ANOS1: variants seen among roughly 807,000 people sequenced by gnomAD.
ANOS1 encodes anosmin-1.
A neutral mutation model predicts 59.0 loss-of-function variants in ANOS1; 6 were observed. The ratio of observed to expected loss-of-function variants is 0.10; its 90% confidence interval spans 0.06 to 0.20. The LOEUF is 0.20. Ranked by LOEUF, ANOS1 falls within the 10% of genes least tolerant of loss-of-function variation. The pLI, the probability that ANOS1 is intolerant of heterozygous loss-of-function variation, is 1.00. For synonymous variants in ANOS1, 217 were observed against 223.4 expected (o/e 0.97, Z 0.25); for missense variants, 433 against 542.3 (o/e 0.80, Z 2.00).
chrX:8,621,811 A>T (rs1931298677), intron 3 of ANOS1, among the ~76,000 whole-genome samples: 4 of 111,948 alleles, frequency 3.6e-5, no homozygotes, highest in South Asian at 3.7e-4. Context: ...TTCATCCAGG[A>T]GAAAATAAGC....
chrX:8,707,585 TTTC>T (rs1932786816), intron 1 of ANOS1, among the ~76,000 whole-genome samples: 2 of 111,881 alleles, frequency 1.8e-5, no homozygotes, highest in East Asian at 2.8e-4. Context: ...ATGCCAGACT[TTTC>T]TTCTTCTCAT....
rs555391450 is a variant in ANOS1, at chrX:8,704,179, C to G, written c.208-4434G>C. 2.6e-4 allele frequency among the ~76,000 whole-genome samples: 29 copies of G among 112,046 alleles called. 1 individual carries two copies. The South Asian group carries it at 0.011, about 42-fold the overall frequency. ...ACCATGATTGTGAGGCCTCCCCAGC[C>G]ATGTGGAACTGTGAGTCCATTAAAT... On this transcript the variant is annotated intron_variant, in intron 1 of 13. Coordinates refer to ENST00000262648, the MANE Select transcript of ANOS1 (RefSeq NM_000216.4).
At chrX:8,677,319 G>A (rs1383415018) in intron 2 of ANOS1, among the ~76,000 whole-genome samples, 1 of 111,611 alleles carries the variant, frequency 9.0e-6, no homozygotes, top group Non-Finnish European at 1.9e-5. Context: ...ATATCCCCTT[G>A]AGGACAAAAT....
intron 8 of ANOS1, among the ~76,000 whole-genome samples, chrX:8,559,921 GA>G (rs1930007123): frequency 9.0e-6 from 1 of 111,668 alleles, no homozygotes; most frequent in Admixed American, 9.6e-5. Context: ...ATCTTCCTTG[GA>G]TGGCAACTGC....
At chrX:8,697,120 G>A (rs969831671) in intron 2 of ANOS1, among the ~76,000 whole-genome samples, 7 of 111,832 alleles carry the variant, frequency 6.3e-5, no homozygotes, top group Non-Finnish European at 1.1e-4. Flanking sequence ...GCAGGCGCCT[G>A]TAATCCCAGC....
chrX:8,550,542 T>C (rs1262475163), intron 9 of ANOS1, among the ~76,000 whole-genome samples: 2 of 111,313 alleles, frequency 1.8e-5, no homozygotes, highest in African/African-American at 6.5e-5. Flanking sequence ...TTGAGACAAT[T>C]TGATAAAGAA....
At chrX:8,568,125 A>C (rs1930152247) in intron 8 of ANOS1, 107 bp downstream of exon 8, 11 of 802,332 alleles carry the variant, frequency 1.4e-5, no homozygotes, top group Non-Finnish European at 2.0e-5. Context: ...AAGATTTGCC[A>C]TATAATTATT....
chrX:8,680,162 CAAAAAAAA>C (rs754341783), intron 2 of ANOS1, among the ~76,000 whole-genome samples: 1 of 28,515 alleles, frequency 3.5e-5, no homozygotes, highest in African/African-American at 1.1e-4. Flanking sequence ...GAGACTCCAT[CAAAAAAAA>C]AAAAAAAAAA....
chrX:8,718,948 G>A (rs1320992859), intron 1 of ANOS1, among the ~76,000 whole-genome samples: 1 of 112,087 alleles, frequency 8.9e-6, no homozygotes, highest in African/African-American at 3.2e-5. Flanking sequence ...GAAAATATTC[G>A]TATACTTCCA....
chrX:8,561,637 C>G (rs1930035036), intron 8 of ANOS1, among the ~76,000 whole-genome samples: 1 of 108,627 alleles, frequency 9.2e-6, no homozygotes, highest in African/African-American at 3.4e-5. Flanking sequence ...TTAAGAGACA[C>G]AGTCTCACTA....
At chrX:8,644,247 T>A (rs1389377920) in intron 2 of ANOS1, among the ~76,000 whole-genome samples, 1 of 111,345 alleles carries the variant, frequency 9.0e-6, no homozygotes, top group Non-Finnish European at 1.9e-5. Context: ...AAGCCTCCAC[T>A]CAATGGACCC....
chrX:8,669,447 T>C (rs989745291), intron 2 of ANOS1, among the ~76,000 whole-genome samples: 1 of 110,918 alleles, frequency 9.0e-6, no homozygotes, highest in Non-Finnish European at 1.9e-5. Context: ...TAATGCAAGA[T>C]AACAGTAGGG....
intron 2 of ANOS1, among the ~76,000 whole-genome samples, chrX:8,695,298 C>T (rs112985743): frequency 0.017 from 1,948 of 111,713 alleles, 47 homozygotes; most frequent in African/African-American, 0.061. Context: ...GCACACAGAG[C>T]GAGATTCCGT....
chrX:8,658,609 T>G (rs906925334), intron 2 of ANOS1, among the ~76,000 whole-genome samples: 2 of 112,277 alleles, frequency 1.8e-5, no homozygotes, highest in African/African-American at 6.5e-5. Flanking sequence ...AGTCTCACCT[T>G]AGAGGGGGTC....
intron 4 of ANOS1, among the ~76,000 whole-genome samples, chrX:8,594,762 ATATAT>A (rs199539504): frequency 0.066 from 5,553 of 84,457 alleles, 234 homozygotes; most frequent in Admixed American, 0.12. Flanking sequence ...ATATATATAT[ATATAT>A]TTTTTTTTTG....
At chrX:8,725,882 ACC>A (rs1932916010) in intron 1 of ANOS1, among the ~76,000 whole-genome samples, 1 of 109,379 alleles carries the variant, frequency 9.1e-6, no homozygotes, top group African/African-American at 3.3e-5. Context: ...AAAGAGAAAT[ACC>A]ATATTAAAAA....
intron 8 of ANOS1, among the ~76,000 whole-genome samples, chrX:8,558,086 A>G (rs1437507065): frequency 7.5e-5 from 8 of 106,997 alleles, no homozygotes; most frequent in Non-Finnish European, 1.3e-4. Flanking sequence ...AAAACTAAAC[A>G]CCGAATGTTC....
At chrX:8,594,684 A>G (rs994116136) in intron 4 of ANOS1, among the ~76,000 whole-genome samples, 1 of 63,314 alleles carries the variant, frequency 1.6e-5, no homozygotes, top group African/African-American at 6.9e-5. Flanking sequence ...ATATATATAT[A>G]TATATATATA....
At chrX:8,724,274 G>T (rs1040345776) in intron 1 of ANOS1, among the ~76,000 whole-genome samples, 1 of 112,139 alleles carries the variant, frequency 8.9e-6, no homozygotes, top group Non-Finnish European at 1.9e-5. Flanking sequence ...TTTCTGAAGG[G>T]AGGTGTCTTA....
Sources: allele counts gnomAD v4.1 joint callset (sites outside exome capture counted in the v4.1 genomes callset), GRCh38; gene constraint gnomAD v4.1.1; transcripts MANE v1.5; gene names NCBI Gene and HGNC (gene_info 2026-07-23, HGNC 2026-07-21).